ATP10B: variants seen among roughly 807,000 people sequenced by gnomAD.
ATP10B encodes the protein ATPase phospholipid transporting 10B (putative), also known as phospholipid-transporting ATPase VB.
A neutral mutation model predicts 141.2 loss-of-function variants in ATP10B; 122 were observed. The observed-to-expected ratio is 0.86, with a 90% CI of 0.75 to 1.00. The LOEUF (loss-of-function observed/expected upper bound fraction) is 1.00, where lower values mean the gene tolerates loss of function less well. ATP10B is among the 50% of genes least tolerant of loss of function. ATP10B has a pLI of 0.00. For missense variants in ATP10B, 1,876 were observed against 1,825.3 expected, an observed-to-expected ratio of 1.03 and a Z score of -0.51; for synonymous variants, 685 against 692.0, an observed-to-expected ratio of 0.99 and a Z score of 0.16.
chr5:160,920,488 G>A, the ATP10B span, among the ~76,000 whole-genome samples: 12 of 152,288 alleles, frequency 7.9e-5, no homozygotes, highest in South Asian at 4.1e-4. Flanking sequence ...TCTGGGCAGC[G>A]CTCTCAAGCA....
chr5:160,826,776 G>A (rs188311162), intron 1 of ATP10B, among the ~76,000 whole-genome samples: 152 of 152,226 alleles, frequency 1.0e-3, no homozygotes, highest in Non-Finnish European at 1.5e-3. Context: ...GTCTATAAAC[G>A]GCCGCTCTAG....
chr5:160,589,764 A>C (rs925351070), intron 23 of ATP10B, 68 bp from the exon 24 acceptor site: 11 of 1,157,366 alleles, frequency 9.5e-6, no homozygotes, highest in Non-Finnish European at 1.3e-5. Context: ...TGACACAGTG[A>C]TTATAAAGCA....
the ATP10B span, among the ~76,000 whole-genome samples, chr5:160,884,509 A>C: frequency 6.6e-6 from 1 of 152,184 alleles, no homozygotes; most frequent in Non-Finnish European, 1.5e-5. Flanking sequence ...AGAACTGGCT[A>C]TCTCAGCCTG....
At chr5:160,828,183 T>C (rs1581612983) in intron 1 of ATP10B, among the ~76,000 whole-genome samples, 1 of 152,186 alleles carries the variant, frequency 6.6e-6, no homozygotes, top group South Asian at 2.1e-4. Flanking sequence ...CCAAAAGCAA[T>C]GGCAACAGAA....
At chr5:160,911,492 G>A in the ATP10B span, among the ~76,000 whole-genome samples, 12 of 152,322 alleles carry the variant, frequency 7.9e-5, no homozygotes, top group African/African-American at 2.9e-4. Flanking sequence ...GAGCTGGTTG[G>A]AAGTAGGAGG....
chr5:160,878,458 A>G, the ATP10B span, among the ~76,000 whole-genome samples: 122 of 152,352 alleles, frequency 8.0e-4, no homozygotes, highest in African/African-American at 2.7e-3. Flanking sequence ...ATTACCATTC[A>G]GGACATAGGC....
upstream of ATP10B, among the ~76,000 whole-genome samples, chr5:160,857,143 C>A (rs1319206681): frequency 6.6e-6 from 1 of 151,620 alleles, no homozygotes. Context: ...ATTAATTTTT[C>A]TTTAAACAAA....
the ATP10B span, among the ~76,000 whole-genome samples, chr5:160,894,580 G>A: frequency 6.6e-6 from 1 of 152,108 alleles, no homozygotes; most frequent in African/African-American, 2.4e-5. Context: ...ATGTTTGATT[G>A]GTGCACCTGA....
intron 1 of ATP10B, among the ~76,000 whole-genome samples, chr5:160,828,155 G>A (rs1484225875): frequency 1.3e-5 from 2 of 152,062 alleles, no homozygotes; most frequent in African/African-American, 4.8e-5. Context: ...CATGGGCAAG[G>A]ACTTCATGTC....
the ATP10B span, among the ~76,000 whole-genome samples, chr5:160,880,107 AAAAG>A: frequency 6.7e-6 from 1 of 149,154 alleles, no homozygotes; most frequent in South Asian, 2.1e-4. Flanking sequence ...AAACTATTAT[AAAAG>A]AAATTATGTA....
intron 8 of ATP10B, among the ~76,000 whole-genome samples, chr5:160,646,227 C>T (rs1760266386): frequency 6.6e-6 from 1 of 152,118 alleles, no homozygotes; most frequent in Non-Finnish European, 1.5e-5. Context: ...AAGTACTACC[C>T]CACTCACCCA....
intron 22 of ATP10B, among the ~76,000 whole-genome samples, chr5:160,591,846 C>A (rs1756315177): frequency 6.6e-6 from 1 of 152,300 alleles, no homozygotes; most frequent in South Asian, 2.1e-4. Flanking sequence ...CACCATGCCC[C>A]CTTCGTCTGG....
chr5:160,762,647 T>A (rs35010409), intron 2 of ATP10B, among the ~76,000 whole-genome samples: 1 of 151,024 alleles, frequency 6.6e-6, no homozygotes. Flanking sequence ...AACAATGACA[T>A]AATGAAAAAA....
intron 1 of ATP10B, among the ~76,000 whole-genome samples, chr5:160,803,925 A>G (rs1772583495): frequency 7.1e-6 from 1 of 141,276 alleles, no homozygotes. Flanking sequence ...AGGTCAACAC[A>G]GATTTTTTTT....
chr5:160,806,264 G>A (rs191643054), intron 1 of ATP10B, among the ~76,000 whole-genome samples: 1 of 152,312 alleles, frequency 6.6e-6, no homozygotes, highest in Non-Finnish European at 1.5e-5. Flanking sequence ...CCATCACAGA[G>A]GGATTCCATG....
intron 1 of ATP10B, among the ~76,000 whole-genome samples, chr5:160,840,332 T>C (rs1211909645): frequency 6.6e-6 from 1 of 151,928 alleles, no homozygotes; most frequent in Admixed American, 6.6e-5. Context: ...ATAGTCCTAT[T>C]AACACTGTAA....
intron 24 of ATP10B, among the ~76,000 whole-genome samples, chr5:160,577,800 AT>A (rs375933061): frequency 0.017 from 2,531 of 149,282 alleles, 28 homozygotes; most frequent in Middle Eastern, 0.076. Context: ...AAACTTTATG[AT>A]TTTTTTTTTC....
At chr5:160,790,313 A>G (rs570266796) in intron 1 of ATP10B, among the ~76,000 whole-genome samples, 1 of 152,322 alleles carries the variant, frequency 6.6e-6, no homozygotes, top group East Asian at 1.9e-4. Flanking sequence ...CCCACTCAAG[A>G]AACCTAAGTA....
chr5:160,835,574 A>G (rs1393858735), intron 1 of ATP10B, among the ~76,000 whole-genome samples: 1 of 152,164 alleles, frequency 6.6e-6, no homozygotes, highest in East Asian at 1.9e-4. Context: ...GGGGTTAAGG[A>G]TAAAGGCAAG....
Sources: allele counts gnomAD v4.1 joint callset (sites outside exome capture counted in the v4.1 genomes callset), GRCh38; gene constraint gnomAD v4.1.1; transcripts MANE v1.5; gene names NCBI Gene and HGNC (gene_info 2026-07-23, HGNC 2026-07-21).